SNX24: variants seen among roughly 807,000 people sequenced by gnomAD.
The protein encoded by SNX24 is sorting nexin 24.
A neutral mutation model predicts 28.7 loss-of-function variants in SNX24; 22 were observed. The ratio of observed to expected loss-of-function variants is 0.77; its 90% CI spans 0.55 to 1.10. The LOEUF is 1.10. SNX24 is among the 50% of genes least tolerant of loss of function. The pLI, the probability that SNX24 is intolerant of heterozygous loss-of-function variation, is 0.00. For missense variants in SNX24, 221 were observed against 201.1 expected (o/e 1.10, Z -0.60); for synonymous variants, 69 against 71.5 (o/e 0.96, Z 0.18).
chr5:122,849,553 C>T (rs1754800707), intron 1 of SNX24, among the ~76,000 whole-genome samples: 2 of 147,318 alleles, frequency 1.4e-5, no homozygotes, highest in Admixed American at 6.8e-5. Context: ...AAATACAGGA[C>T]AAAATCTTAT....
rs771667556 is a variant in SNX24 at position 122,941,543 on chromosome 5, C to T, written c.145-4512C>T. Among the ~76,000 whole-genome samples the T allele has an allele frequency of 1.3e-4, 20 of 152,142 alleles. 1 individual carries two copies. The highest frequency in any genetic ancestry group is 1.9e-4 in the Non-Finnish European group (13 of 68,022). On this transcript the variant is annotated intron_variant, in intron 2 of 6. Transcript: ENST00000261369. ...TTCCCTAATCTCTTTGTTCTTAGAA[C>T]TCCTGTCCATTTAGAATACAGATTT...
At chr5:122,987,249 G>A (rs548955086) in intron 3 of SNX24, among the ~76,000 whole-genome samples, 17 of 152,238 alleles carry the variant, frequency 1.1e-4, no homozygotes, top group East Asian at 5.8e-4. Context: ...AATAGTTTTC[G>A]AGTGTGGTTC....
intron 1 of SNX24, among the ~76,000 whole-genome samples, chr5:122,862,534 A>G (rs918897231): frequency 6.6e-6 from 1 of 150,908 alleles, no homozygotes; most frequent in East Asian, 2.0e-4. Context: ...CCCAGGAGGC[A>G]GAGCTTGCAG....
At chr5:122,878,381 A>G (rs1229695858) in intron 1 of SNX24, among the ~76,000 whole-genome samples, 3 of 152,154 alleles carry the variant, frequency 2.0e-5, no homozygotes, top group African/African-American at 7.2e-5. Flanking sequence ...GGATTAAGAA[A>G]GCTGGGAGAG....
intron 3 of SNX24, among the ~76,000 whole-genome samples, chr5:122,951,559 A>G (rs899110345): frequency 5.9e-5 from 9 of 152,208 alleles, no homozygotes; most frequent in African/African-American, 1.9e-4. Flanking sequence ...CACAGTTTAT[A>G]TGATAGTTTT....
intron 5 of SNX24, among the ~76,000 whole-genome samples, chr5:123,018,791 A>G (rs574305808): frequency 2.0e-5 from 3 of 152,062 alleles, no homozygotes; most frequent in South Asian, 2.1e-4. Flanking sequence ...GGTTCAAGCA[A>G]TTCTCCTGCC....
At chr5:122,976,589 C>G (rs1761176387) in intron 3 of SNX24, among the ~76,000 whole-genome samples, 1 of 152,206 alleles carries the variant, frequency 6.6e-6, no homozygotes, top group South Asian at 2.1e-4. Context: ...TCAGGTTCTG[C>G]CAGCCCTTTA....
chr5:122,963,676 T>C (rs2150140654), intron 3 of SNX24, among the ~76,000 whole-genome samples: 1 of 152,320 alleles, frequency 6.6e-6, no homozygotes, highest in East Asian at 1.9e-4. Flanking sequence ...TCATGAGTTT[T>C]AAAAGAACTA....
At chr5:122,894,068 G>A (rs1757098815) in intron 1 of SNX24, among the ~76,000 whole-genome samples, 1 of 151,236 alleles carries the variant, frequency 6.6e-6, no homozygotes, top group African/African-American at 2.4e-5. Context: ...TGAATTATTT[G>A]TTCTGTATTG....
At chr5:122,994,403 C>T (rs1761977613) in intron 3 of SNX24, among the ~76,000 whole-genome samples, 1 of 152,196 alleles carries the variant, frequency 6.6e-6, no homozygotes, top group Admixed American at 6.5e-5. Flanking sequence ...TGCATGATGG[C>T]ATCTCACGAA....
At chr5:122,923,505 T>G (rs1026472452) in intron 1 of SNX24, among the ~76,000 whole-genome samples, 4 of 152,176 alleles carry the variant, frequency 2.6e-5, no homozygotes, top group Non-Finnish European at 5.9e-5. Context: ...AGAAAAAGTT[T>G]CATTCTTAAA....
At chr5:122,916,619 A>G (rs1758179883) in intron 1 of SNX24, among the ~76,000 whole-genome samples, 2 of 152,132 alleles carry the variant, frequency 1.3e-5, no homozygotes, top group Non-Finnish European at 2.9e-5. Flanking sequence ...TGCATCCCAA[A>G]TTCTGTGTTT....
chr5:122,937,413 A>C (rs569635009), intron 2 of SNX24, among the ~76,000 whole-genome samples: 1 of 152,232 alleles, frequency 6.6e-6, no homozygotes, highest in Non-Finnish European at 1.5e-5. Flanking sequence ...CGAAACAGAA[A>C]GGCAAAAGGA....
At chr5:123,014,203 G>C (rs907982357), downstream of SNX24, among the ~76,000 whole-genome samples, 1 of 152,096 alleles carries the variant, frequency 6.6e-6, no homozygotes, top group African/African-American at 2.4e-5. Context: ...GTCTCCCACT[G>C]TTGCCCAGGC....
At chr5:122,873,081 C>G (rs1349114545) in intron 1 of SNX24, among the ~76,000 whole-genome samples, 2 of 152,148 alleles carry the variant, frequency 1.3e-5, no homozygotes, top group South Asian at 2.1e-4. Flanking sequence ...GTCCACCTGC[C>G]TCAGTCTCCT....
At chr5:122,954,334 G>A (rs1760110728) in intron 3 of SNX24, among the ~76,000 whole-genome samples, 1 of 151,968 alleles carries the variant, frequency 6.6e-6, no homozygotes, top group Non-Finnish European at 1.5e-5. Flanking sequence ...AAAGCATTCT[G>A]TTTAAATGTC....
intron 5 of SNX24, among the ~76,000 whole-genome samples, chr5:123,020,067 C>T (rs906075759): frequency 6.6e-6 from 1 of 152,138 alleles, no homozygotes; most frequent in Non-Finnish European, 1.5e-5. Flanking sequence ...CAGGTATGCT[C>T]ACAGTAGTGA....
chr5:122,867,190 G>C (rs1755759423), intron 1 of SNX24, among the ~76,000 whole-genome samples: 2 of 152,302 alleles, frequency 1.3e-5, no homozygotes, highest in Admixed American at 6.5e-5. Context: ...TACCAAGCCA[G>C]CTGTTTCAGG....
intron 1 of SNX24, among the ~76,000 whole-genome samples, chr5:122,910,040 A>G (rs1757815068): frequency 6.6e-6 from 1 of 152,266 alleles, no homozygotes; most frequent in Non-Finnish European, 1.5e-5. Context: ...TATTCTATAA[A>G]TAGTGAACCA....
Sources: gnomAD v4.1 joint callset for allele counts (sites outside exome capture counted in the v4.1 genomes callset) on GRCh38, gnomAD v4.1.1 for gene constraint, MANE v1.5 for transcripts, NCBI Gene and HGNC (gene_info 2026-07-23, HGNC 2026-07-21) for gene names.